KDR: variants seen among roughly 807,000 people sequenced by gnomAD.
KDR encodes the protein vascular endothelial growth factor receptor 2.
KDR carries 43 observed loss-of-function variants against 160.9 expected under a neutral mutation model. That is an observed-to-expected ratio of 0.27 (90% CI 0.21 to 0.34). KDR has a LOEUF of 0.34. KDR is among the 10% of genes least tolerant of loss of function. The probability of loss-of-function intolerance (pLI) is 1.00; values close to 1 mark genes in which losing one functional copy is unlikely to be tolerated. For missense variants in KDR, 1,469 were observed against 1,666.4 expected (o/e 0.88, Z 2.06); for synonymous variants, 617 against 600.1 (o/e 1.03, Z -0.41).
At chr4:55,103,772 CT>C (rs1046073781) in intron 13 of KDR, among the ~76,000 whole-genome samples, 1 of 151,750 alleles carries the variant, frequency 6.6e-6, no homozygotes, top group African/African-American at 2.4e-5. Context: ...AATTTCCTTC[CT>C]AACAGTAAAA....
At chr4:55,112,931 G>A (rs948469641) in intron 7 of KDR, among the ~76,000 whole-genome samples, 1 of 152,140 alleles carries the variant, frequency 6.6e-6, no homozygotes, top group East Asian at 1.9e-4. Context: ...ATTGCTAAAT[G>A]TTTCCCCAGT....
At chr4:55,097,565 G>A (rs1720193715) in intron 18 of KDR, 97 bp downstream of exon 18, 2 of 800,422 alleles carry the variant, frequency 2.5e-6, no homozygotes, top group Non-Finnish European at 2.2e-6. Context: ...GTGGCTAGTA[G>A]GCCCACATAA....
intron 21 of KDR, among the ~76,000 whole-genome samples, chr4:55,094,464 T>C (rs1013174684): frequency 6.6e-6 from 1 of 152,160 alleles, no homozygotes; most frequent in African/African-American, 2.4e-5. Context: ...TCCAAGGCAA[T>C]GGAGAGGCTA....
intron 6 of KDR, 88 bp downstream of exon 6, chr4:55,114,038 G>T (rs1720666088): frequency 7.2e-7 from 1 of 1,386,930 alleles, no homozygotes; most frequent in Non-Finnish European, 1.0e-6. Context: ...ATTTTATCTG[G>T]CCAAAGAGGC....
In KDR at chr4:55,118,725, G is replaced by A. The variant is rs2110034508; in HGVS notation, c.237C>T (p.Cys79=). 1 of 1,614,026 alleles carries A rather than the reference G, an allele frequency of 6.2e-7. No individual in the cohort carries two copies. Residue 79 remains cysteine, a synonymous_variant, in exon 3 of 30, where the codon TGC becomes TGT. Transcript: ENST00000263923. ...GTGTCTTACAGAAGAGGCCATCGCT[G>A]CACTCAGTCACCTCCACCCTTTGCT... ...GSEQRVEVTE[C]SDGLFCKTLT... is the part of the protein sequence containing the mutation.
intron 26 of KDR, among the ~76,000 whole-genome samples, chr4:55,088,155 C>T (rs1310939379): frequency 6.6e-6 from 1 of 152,002 alleles, no homozygotes; most frequent in Non-Finnish European, 1.5e-5. Flanking sequence ...CATTTCAAGG[C>T]AATGGAAAAA....
intron 27 of KDR, among the ~76,000 whole-genome samples, chr4:55,086,884 G>T (rs1041859955): frequency 7.2e-5 from 11 of 152,206 alleles, no homozygotes; most frequent in Admixed American, 2.0e-4. Context: ...ACCCAAACGG[G>T]TTAGGAAAGA....
intron 1 of KDR, 74 bp from the exon 2 acceptor site, chr4:55,121,264 T>A: frequency 1.0e-6 from 1 of 994,034 alleles, no homozygotes; most frequent in South Asian, 1.3e-5. Context: ...CCATAAACAA[T>A]GCATACTCTA....
intron 7 of KDR, among the ~76,000 whole-genome samples, chr4:55,112,392 T>C (rs1032883034): frequency 2.6e-5 from 4 of 152,294 alleles, no homozygotes; most frequent in Admixed American, 6.5e-5. Context: ...CTAGCTTTAT[T>C]GGAAGAATAC....
chr4:55,117,895 C>T (rs1187056602), intron 3 of KDR, among the ~76,000 whole-genome samples: 1 of 152,106 alleles, frequency 6.6e-6, no homozygotes, highest in Non-Finnish European at 1.5e-5. Context: ...TTTTGAAACA[C>T]AAAAGAATGC....
intron 10 of KDR, 109 bp downstream of exon 10, chr4:55,107,628 G>T (rs1444307789): frequency 2.1e-6 from 3 of 1,406,846 alleles, no homozygotes; most frequent in Non-Finnish European, 2.0e-6. Flanking sequence ...CCTCTTGAGA[G>T]AAAACTTTTT....
At position 55,108,030 on chromosome 4, in the gene KDR, G is replaced by A. The variant is rs941129429; in HGVS notation, c.1256-137C>T. 26 of 889,700 alleles carry A rather than the reference G, an allele frequency of 2.9e-5. 1 individual carries two copies. Among genetic ancestry groups the A allele is most frequent in the Non-Finnish European group, 4.0e-5 (22 of 553,882 alleles). The allele number at this position is 889,700 out of a possible 1,614,324, so 55.1% of individuals were successfully genotyped here. ...TTTCTTTTTCGAAGAACACCTAGAT[G>A]TGGAAACAAGAGACCTGAGTTCTAG... On this transcript the variant is annotated intron_variant, in intron 9 of 29. Coordinates refer to ENST00000263923, the MANE Select transcript of KDR (RefSeq NM_002253.4).
At chr4:55,099,899 A>T (rs1282432228) in intron 15 of KDR, among the ~76,000 whole-genome samples, 2 of 152,210 alleles carry the variant, frequency 1.3e-5, no homozygotes, top group African/African-American at 4.8e-5. Flanking sequence ...TGAGCACATC[A>T]CGCATGGCCT....
intron 16 of KDR, 83 bp from the exon 17 acceptor site, chr4:55,098,355 G>T: frequency 6.7e-7 from 1 of 1,485,750 alleles, no homozygotes; most frequent in Non-Finnish European, 9.3e-7. Flanking sequence ...GTTTATTGGA[G>T]CCTCATTCCT....
At chr4:55,081,040 A>G (rs1190707765) in intron 29 of KDR, among the ~76,000 whole-genome samples, 4 of 152,268 alleles carry the variant, frequency 2.6e-5, no homozygotes. Flanking sequence ...GTCTCAAGCA[A>G]TGGCATGGTG....
chr4:55,086,528 AG>A (rs1457081213), intron 27 of KDR, among the ~76,000 whole-genome samples: 1 of 152,232 alleles, frequency 6.6e-6, no homozygotes, highest in Non-Finnish European at 1.5e-5. Flanking sequence ...TCAAAAAAAA[AG>A]ATCATTGTTT....
chr4:55,114,383 A>G (rs1423981325), intron 5 of KDR, 118 bp from the exon 6 acceptor site: 1 of 1,065,162 alleles, frequency 9.4e-7, no homozygotes, highest in Non-Finnish European at 1.4e-6. Context: ...TTTTCCCTGC[A>G]GGCCTCACCA....
At position 55,079,971 on chromosome 4, in the gene KDR, C is replaced by T. The variant is rs777208249; in HGVS notation, c.4041G>A (p.Ser1347=). ...GSTAQILQPD[S]GTTLSSPPV is the part of the protein sequence containing the mutation. Reference sequence around the variant, plus strand: ...CAGGAGGAGAGCTCAGTGTGGTCCCCGAGTCAGGCTGGAGAATCTGGGCTG... The same window carrying T: ...CAGGAGGAGAGCTCAGTGTGGTCCCTGAGTCAGGCTGGAGAATCTGGGCTG... Residue 1347 remains serine, a synonymous_variant, in exon 30 of 30, where the codon TCG becomes TCA. Transcript: ENST00000263923. The T allele has an allele frequency of 4.2e-5, 67 of 1,613,998 alleles. 1 individual carries two copies. The South Asian group carries it at 5.6e-4, about 13-fold the overall frequency.
intron 29 of KDR, among the ~76,000 whole-genome samples, chr4:55,081,518 T>G (rs1719735469): frequency 6.6e-6 from 1 of 152,212 alleles, no homozygotes; most frequent in Non-Finnish European, 1.5e-5. Flanking sequence ...ACAATAATAT[T>G]TAAATGTCTC....
Sources: allele counts gnomAD v4.1 joint callset (sites outside exome capture counted in the v4.1 genomes callset), GRCh38; gene constraint gnomAD v4.1.1; transcripts MANE v1.5; gene names NCBI Gene and HGNC (gene_info 2026-07-23, HGNC 2026-07-21).